The following COPG1 variants were observed in gnomAD, a reference collection of about 807,000 sequenced individuals.
The protein encoded by COPG1 is coatomer subunit gamma-1.
Under a neutral mutation model 102.8 loss-of-function variants are expected in COPG1, and 29 were observed. That is an observed-to-expected ratio of 0.28 (90% confidence interval 0.21 to 0.38). COPG1 has a LOEUF of 0.38. Ranked by LOEUF, COPG1 falls within the 10% of genes least tolerant of loss-of-function variation. COPG1 has a pLI of 1.00. For synonymous variants in COPG1, 406 were observed against 421.6 expected, an observed-to-expected ratio of 0.96 and a Z score of 0.45; for missense variants, 875 against 1,132.7, an observed-to-expected ratio of 0.77 and a Z score of 3.27.
In COPG1 at chr3:129,265,641, G is replaced by A. The variant is rs753388067; in HGVS notation, c.1317G>A (p.Leu439=). The A allele has an allele frequency of 9.9e-6, 16 of 1,614,090 alleles. No homozygotes were observed. Among genetic ancestry groups the A allele is most frequent in the Admixed American group, 8.3e-5 (5 of 60,010 alleles). Reference sequence around the variant, plus strand: ...GCAAGGAGACAGGGCTGTCACATCTGTGCGAGTTCATCGAGGACTGCGAGT... The same window carrying A: ...GCAAGGAGACAGGGCTGTCACATCTATGCGAGTTCATCGAGGACTGCGAGT... The part of the protein sequence containing the change: ...SESKETGLSH[L]CEFIEDCEFT... The change falls in exon 14 of 24, where the codon CTG becomes CTA. Residue 439 remains leucine, a synonymous_variant. Coordinates refer to ENST00000314797, the MANE Select transcript of COPG1 (RefSeq NM_016128.4).
At chr3:129,268,403 C>T (rs1940111689) in intron 16 of COPG1, 92 bp from the exon 17 acceptor site, 3 of 1,373,880 alleles carry the variant, frequency 2.2e-6, no homozygotes, top group Non-Finnish European at 3.0e-6. Context: ...CTACTTAGGA[C>T]TTGTAACTTC....
intron 21 of COPG1, 94 bp from the exon 22 acceptor site, chr3:129,274,744 G>A: frequency 7.1e-7 from 1 of 1,414,160 alleles, no homozygotes; most frequent in Non-Finnish European, 9.8e-7. Context: ...AAGCACCTGT[G>A]GAAAGAGTTG....
intron 23 of COPG1, among the ~76,000 whole-genome samples, chr3:129,276,098 C>CT (rs1940266706): frequency 6.6e-6 from 1 of 152,206 alleles, no homozygotes; most frequent in Non-Finnish European, 1.5e-5. Flanking sequence ...ATAAATAACT[C>CT]CAAGTTGCCT....
chr3:129,257,687 C>T, intron 9 of COPG1, 40 bp from the exon 10 acceptor site: 2 of 1,613,268 alleles, frequency 1.2e-6, no homozygotes, highest in Non-Finnish European at 1.7e-6. Context: ...CATGCTGGGC[C>T]ACCCCCAACG....
intron 6 of COPG1, 29 bp from the exon 7 acceptor site, chr3:129,254,956 T>C (rs1184740206): frequency 1.9e-6 from 3 of 1,587,644 alleles, no homozygotes; most frequent in Non-Finnish European, 2.6e-6. Context: ...TGACTGGATC[T>C]CCTTCCACCC....
In COPG1 at chr3:129,257,476, G is replaced by A. The variant is rs1448297813; in HGVS notation, c.586G>A (p.Ala196Thr). The change falls in exon 9 of 24, where the codon GCA becomes ACA. Residue 196 changes from alanine to threonine, a missense_variant. Coordinates refer to ENST00000314797, the MANE Select transcript of COPG1 (RefSeq NM_016128.4). Reference sequence around the variant, plus strand: ...GCTGTCTCCTGTCCTATAGTACCACGCACTAGGGCTCCTGTACCATGTGCG... The same window carrying A: ...GCTGTCTCCTGTCCTATAGTACCACACACTAGGGCTCCTGTACCATGTGCG... ...SSDNIMVQYH[A>T]LGLLYHVRKN... 2.5e-6 allele frequency: 4 copies of A among 1,614,134 alleles called. No individual in the cohort carries two copies. The highest frequency in any genetic ancestry group is 8.5e-7 in the Non-Finnish European group (1 of 1,180,012).
Position 129,275,191 on chromosome 3 carries a change from C to T in COPG1, c.2396-3C>T. ...TTAACAATATTGGGATTTCTCATTA[C>T]AGAGGCTGTGGGTAATATTGTGAAG... is the stretch of plus-strand genomic sequence containing the variant. On this transcript the variant is annotated splice_region_variant and splice_polypyrimidine_tract_variant and intron_variant, in intron 22 of 23. Transcript: ENST00000314797. The surrounding 1 kb of genome is among the most constrained non-coding windows in gnomAD (Gnocchi z 5.0). 6.2e-7 allele frequency: 1 copy of T among 1,613,072 alleles called. No homozygotes were observed.
intron 2 of COPG1, among the ~76,000 whole-genome samples, chr3:129,251,528 G>A (rs968535726): frequency 2.0e-5 from 3 of 151,636 alleles, no homozygotes; most frequent in Non-Finnish European, 2.9e-5. Flanking sequence ...GACTACAGGC[G>A]CACGCCACTA....
chr3:129,252,467 TA>T, intron 3 of COPG1, 106 bp downstream of exon 3: 1 of 1,047,184 alleles, frequency 9.5e-7, no homozygotes, highest in Non-Finnish European at 1.5e-6. Context: ...TGTGTGGCTG[TA>T]GACAACAGCT....
intron 11 of COPG1, 61 bp downstream of exon 11, chr3:129,260,461 C>A: frequency 6.4e-7 from 1 of 1,560,498 alleles, no homozygotes; most frequent in Non-Finnish European, 8.8e-7. Context: ...TGTGTCCTAG[C>A]CTCTGACCTG....
At chr3:129,272,470 G>T in intron 20 of COPG1, 55 bp downstream of exon 20, 1 of 1,474,702 alleles carries the variant, frequency 6.8e-7, no homozygotes, top group Non-Finnish European at 9.2e-7. Context: ...GGGGTCAGGA[G>T]GAGGTGGGCG....
intron 15 of COPG1, among the ~76,000 whole-genome samples, chr3:129,267,484 G>A (rs1189517637): frequency 6.6e-6 from 1 of 152,046 alleles, no homozygotes; most frequent in Non-Finnish European, 1.5e-5. Flanking sequence ...AGCCAGGTGT[G>A]GTGGCGGGTG....
intron 1 of COPG1, among the ~76,000 whole-genome samples, chr3:129,250,030 G>A (rs1939661341): frequency 6.6e-6 from 1 of 152,032 alleles, no homozygotes; most frequent in Non-Finnish European, 1.5e-5. Flanking sequence ...CATGCCGAAT[G>A]TTCTCTTGTT....
intron 2 of COPG1, among the ~76,000 whole-genome samples, chr3:129,252,020 T>C (rs999943126): frequency 2.6e-5 from 4 of 152,246 alleles, no homozygotes; most frequent in African/African-American, 9.6e-5. Context: ...ATTGTTTCTG[T>C]TTCCAGTTAG....
chr3:129,269,687 T>C (rs1008748015), intron 18 of COPG1, among the ~76,000 whole-genome samples: 3 of 152,082 alleles, frequency 2.0e-5, no homozygotes, highest in Admixed American at 6.5e-5. Flanking sequence ...AAATCCCCCC[T>C]TCCCCATTAC....
chr3:129,272,168 G>A, intron 19 of COPG1, 76 bp from the exon 20 acceptor site: 2 of 1,352,730 alleles, frequency 1.5e-6, no homozygotes, highest in East Asian at 4.6e-5. Context: ...GAAAGAGGTG[G>A]GACCTCCTGG....
intron 14 of COPG1, among the ~76,000 whole-genome samples, chr3:129,266,749 T>C (rs1462337840): frequency 6.6e-6 from 1 of 152,150 alleles, no homozygotes; most frequent in Non-Finnish European, 1.5e-5. Context: ...CTCATCATGG[T>C]TAATTTGAAA....
At chr3:129,260,484 A>G (rs1421029755) in intron 11 of COPG1, 84 bp downstream of exon 11, 1 of 1,525,404 alleles carries the variant, frequency 6.6e-7, no homozygotes, top group Non-Finnish European at 9.0e-7. Flanking sequence ...TGGGAAGGAT[A>G]ATAGCCCTGG....
In COPG1 at chr3:129,274,955, T is replaced by G; in HGVS notation, c.2374T>G (p.Ser792Ala). The change falls in exon 22 of 24, where the codon TCT becomes GCT. Residue 792 changes from serine (S) to alanine (A), a missense_variant. Coordinates refer to ENST00000314797, the MANE Select transcript of COPG1 (RefSeq NM_016128.4). ...TGAGAAGGAGGAAACGTTCACCTTG[T>G]CTACCATCAAGACACTTGAAGGTAA... is the stretch of plus-strand genomic sequence containing the variant. ...EFEKEETFTL[S>A]TIKTLEEAVG... The G allele has an allele frequency of 1.9e-6, 3 of 1,614,196 alleles. No homozygotes were observed. Among genetic ancestry groups the G allele is most frequent in the Non-Finnish European group, 2.5e-6 (3 of 1,180,028 alleles).
Sources: gnomAD v4.1 joint callset for allele counts (sites outside exome capture counted in the v4.1 genomes callset) on GRCh38, gnomAD v4.1.1 for gene constraint, Gnocchi (gnomAD v3.1) non-coding constraint, MANE v1.5 for transcripts, NCBI Gene and HGNC (gene_info 2026-07-23, HGNC 2026-07-21) for gene names.